CADM2: variants seen among roughly 807,000 people sequenced by gnomAD.
CADM2 encodes immunoglobulin superfamily member 4D.
A neutral mutation model predicts 49.8 loss-of-function variants in CADM2; 12 were observed. The ratio of observed to expected loss-of-function variants is 0.24; its 90% confidence interval spans 0.15 to 0.39. CADM2 has a LOEUF of 0.39. Among genes scored for constraint, CADM2 ranks in the 10% least tolerant of loss-of-function variants. The pLI, the probability that CADM2 is intolerant of heterozygous loss-of-function variation, is 1.00. For missense variants in CADM2, 378 were observed against 492.3 expected, an observed-to-expected ratio of 0.77 and a Z score of 2.20; for synonymous variants, 214 against 175.4, an observed-to-expected ratio of 1.22 and a Z score of -1.74.
intron 6 of CADM2, among the ~76,000 whole-genome samples, chr3:85,925,748 A>T (rs1719743800): frequency 6.6e-6 from 1 of 152,194 alleles, no homozygotes; most frequent in Admixed American, 6.5e-5. Flanking sequence ...AGAGAACATA[A>T]GCAATTCGTA....
At chr3:86,045,178 G>A (rs944630830) in intron 8 of CADM2, among the ~76,000 whole-genome samples, 3 of 151,872 alleles carry the variant, frequency 2.0e-5, no homozygotes, top group African/African-American at 7.3e-5. Flanking sequence ...TGCACATTGT[G>A]CACATGTACC....
At chr3:85,176,767 T>G (rs1461441432) in intron 1 of CADM2, among the ~76,000 whole-genome samples, 2 of 152,298 alleles carry the variant, frequency 1.3e-5, no homozygotes, top group East Asian at 1.9e-4. Context: ...CTGGAAAAAT[T>G]ATTTTCTACT....
intron 2 of CADM2, among the ~76,000 whole-genome samples, chr3:85,742,221 G>T (rs537312055): frequency 7.2e-5 from 11 of 152,264 alleles, no homozygotes; most frequent in African/African-American, 2.4e-4. Context: ...TCATCTAGTG[G>T]TTCCTATGCC....
chr3:84,971,323 ATAAG>A (rs1168892226), intron 1 of CADM2, among the ~76,000 whole-genome samples: 50 of 152,314 alleles, frequency 3.3e-4, no homozygotes, highest in Admixed American at 5.9e-4. Context: ...AGATTTCATG[ATAAG>A]TAACATGAAA....
At position 85,281,357 on chromosome 3, in the gene CADM2, G is replaced by A. The variant is rs958125035; in HGVS notation, c.61+321689G>A. On this transcript the variant is annotated intron_variant, in intron 1 of 9. Transcript: ENST00000383699. ...TAATGTATATGTTATTTTAAATTTT[G>A]GGCAGATTATTTTAATTATAAACAT... Among the ~76,000 whole-genome samples the A allele has an allele frequency of 4.0e-5, 6 of 151,816 alleles. No individual in the cohort carries two copies. In the East Asian group the frequency reaches 1.2e-3, roughly 30 times the overall value.
intron 1 of CADM2, among the ~76,000 whole-genome samples, chr3:85,232,928 C>G (rs1257650818): frequency 6.6e-6 from 1 of 152,096 alleles, no homozygotes; most frequent in Non-Finnish European, 1.5e-5. Context: ...TATGTCCATA[C>G]AAAAACCTAC....
intron 1 of CADM2, among the ~76,000 whole-genome samples, chr3:85,547,770 G>A (rs1292728835): frequency 1.3e-5 from 2 of 152,136 alleles, no homozygotes; most frequent in East Asian, 3.9e-4. Flanking sequence ...GGGATCGCTG[G>A]TGCTCATTAT....
At chr3:85,701,828 G>A (rs2066763126) in intron 1 of CADM2, among the ~76,000 whole-genome samples, 1 of 151,122 alleles carries the variant, frequency 6.6e-6, no homozygotes, top group South Asian at 2.1e-4. Context: ...CTCTTTCACT[G>A]GTATAAATTG....
intron 1 of CADM2, among the ~76,000 whole-genome samples, chr3:85,191,429 A>T (rs2041204537): frequency 1.3e-5 from 2 of 152,124 alleles, no homozygotes; most frequent in South Asian, 4.1e-4. Flanking sequence ...AGGTTTTACT[A>T]ATATTAATAT....
chr3:85,445,303 A>G (rs1323907880), intron 1 of CADM2, among the ~76,000 whole-genome samples: 2 of 152,120 alleles, frequency 1.3e-5, no homozygotes, highest in African/African-American at 4.8e-5. Flanking sequence ...ACTTACTAAT[A>G]AAATACTATA....
At chr3:85,665,209 A>G (rs1383190673) in intron 1 of CADM2, among the ~76,000 whole-genome samples, 2 of 151,992 alleles carry the variant, frequency 1.3e-5, no homozygotes, top group East Asian at 3.8e-4. Flanking sequence ...CATTTTAAAA[A>G]TAATCACTTT....
intron 1 of CADM2, among the ~76,000 whole-genome samples, chr3:85,080,666 A>G (rs1575823395): frequency 6.6e-6 from 1 of 152,132 alleles, no homozygotes; most frequent in South Asian, 2.1e-4. Flanking sequence ...ATATAAAAAG[A>G]GAATTTTTAT....
chr3:85,696,452 GA>G, intron 1 of CADM2, among the ~76,000 whole-genome samples: 1 of 151,890 alleles, frequency 6.6e-6, no homozygotes, highest in Non-Finnish European at 1.5e-5. Context: ...TATATGATGA[GA>G]GATAGGGGCT....
intron 8 of CADM2, among the ~76,000 whole-genome samples, chr3:85,963,666 A>G (rs1725121482): frequency 6.6e-6 from 1 of 151,916 alleles, no homozygotes; most frequent in South Asian, 2.1e-4. Flanking sequence ...TACCTAAATG[A>G]AAAGTATATC....
intron 1 of CADM2, among the ~76,000 whole-genome samples, chr3:84,969,186 G>C (rs1249989386): frequency 6.6e-6 from 1 of 151,788 alleles, no homozygotes; most frequent in African/African-American, 2.4e-5. Flanking sequence ...AGAAAATGGT[G>C]GTTTAATTTG....
At chr3:85,358,396 T>A (rs72615721) in intron 1 of CADM2, among the ~76,000 whole-genome samples, 90,197 of 151,368 alleles carry the variant, frequency 0.6, 27,552 homozygotes, top group East Asian at 0.8. Flanking sequence ...CCAAAAAAAA[T>A]ATATATATAT....
At chr3:85,512,145 CT>C (rs995668289) in intron 1 of CADM2, among the ~76,000 whole-genome samples, 3 of 152,008 alleles carry the variant, frequency 2.0e-5, no homozygotes, top group Non-Finnish European at 4.4e-5. Flanking sequence ...TTTTTCAGCA[CT>C]TTCTTCTCTT....
At chr3:85,052,342 A>G (rs1343936946) in intron 1 of CADM2, among the ~76,000 whole-genome samples, 1 of 152,142 alleles carries the variant, frequency 6.6e-6, no homozygotes, top group Non-Finnish European at 1.5e-5. Flanking sequence ...AACAACTGAC[A>G]TAAATCAAGT....
At chr3:85,075,452 T>C (rs190644033) in intron 1 of CADM2, among the ~76,000 whole-genome samples, 2 of 152,254 alleles carry the variant, frequency 1.3e-5, no homozygotes, top group Admixed American at 1.3e-4. Context: ...ATGTGGAAAT[T>C]TCTTTACAAA....
Sources: allele counts gnomAD v4.1 joint callset (sites outside exome capture counted in the v4.1 genomes callset), GRCh38; gene constraint gnomAD v4.1.1; transcripts MANE v1.5; gene names NCBI Gene and HGNC (gene_info 2026-07-23, HGNC 2026-07-21).